The following ITPKB variants were observed in gnomAD, a reference collection of about 807,000 sequenced individuals.
ITPKB encodes the protein inositol-trisphosphate 3-kinase B.
In ITPKB, 13 loss-of-function variants were observed where a neutral mutation model predicts 69.4. That is an observed-to-expected ratio of 0.19 (90% CI 0.12 to 0.30). The LOEUF is 0.30. Ranked by LOEUF, ITPKB falls within the 10% of genes least tolerant of loss-of-function variation. The probability of loss-of-function intolerance (pLI) is 1.00; values close to 1 mark genes in which losing one functional copy is unlikely to be tolerated. For synonymous variants in ITPKB, 584 were observed against 513.7 expected, an observed-to-expected ratio of 1.14 and a Z score of -1.85; for missense variants, 1,240 against 1,250.5, an observed-to-expected ratio of 0.99 and a Z score of 0.13.
chr1:226,736,334 T>A lies in ITPKB; in HGVS notation c.1125A>T (p.Gly375=), dbSNP rs1371746654. 2 of 1,612,380 alleles carry A rather than the reference T, an allele frequency of 1.2e-6. No homozygotes were observed. The highest frequency in any genetic ancestry group is 2.7e-5 in the African/African-American group (2 of 74,878). ...AGCCCGGCATGCCACAGGGCAGATA[T>A]CCTTTCCCCATCTTCCCAGGGGGTT... ...DGEPPGKMGK[G]YLPCGMPGSG... The change falls in exon 2 of 8, where the codon GGA becomes GGT. Residue 375 remains glycine (G), a synonymous_variant. Coordinates refer to ENST00000429204, the MANE Select transcript of ITPKB (RefSeq NM_002221.4).
intron 2 of ITPKB, among the ~76,000 whole-genome samples, chr1:226,688,070 G>C (rs1656256771): frequency 6.6e-6 from 1 of 152,180 alleles, no homozygotes; most frequent in South Asian, 2.1e-4. Context: ...GCCATACCAA[G>C]TCTCAGGCCC....
intron 2 of ITPKB, among the ~76,000 whole-genome samples, chr1:226,669,751 AAAC>A (rs912859135): frequency 6.6e-6 from 1 of 152,224 alleles, no homozygotes; most frequent in African/African-American, 2.4e-5. Flanking sequence ...AAATGGGTAA[AAAC>A]AATCTCAGGT....
At chr1:226,682,269 A>G (rs1656110415) in intron 2 of ITPKB, among the ~76,000 whole-genome samples, 1 of 152,206 alleles carries the variant, frequency 6.6e-6, no homozygotes, top group Admixed American at 6.5e-5. Flanking sequence ...TCTTGGCAAG[A>G]ACCACTGGAC....
intron 2 of ITPKB, among the ~76,000 whole-genome samples, chr1:226,652,431 A>G (rs763620985): frequency 7.9e-5 from 12 of 152,202 alleles, no homozygotes; most frequent in Admixed American, 1.3e-4. Context: ...TCCCCCAGAT[A>G]AGACAGGTAA....
At chr1:226,653,475 C>A (rs915208830) in intron 2 of ITPKB, among the ~76,000 whole-genome samples, 1 of 152,202 alleles carries the variant, frequency 6.6e-6, no homozygotes, top group African/African-American at 2.4e-5. Context: ...GCCCCTGGTG[C>A]CCCTAAAGCT....
At chr1:226,656,040 T>C (rs955050722) in intron 2 of ITPKB, among the ~76,000 whole-genome samples, 1 of 152,202 alleles carries the variant, frequency 6.6e-6, no homozygotes, top group African/African-American at 2.4e-5. Flanking sequence ...GCTTCTGCTA[T>C]TAGGGACTTT....
At chr1:226,699,795 G>C (rs934115157) in intron 2 of ITPKB, among the ~76,000 whole-genome samples, 1 of 152,142 alleles carries the variant, frequency 6.6e-6, no homozygotes, top group East Asian at 1.9e-4. Context: ...TATTAGTCAG[G>C]GTTCTCTAGA....
chr1:226,707,066 G>T, intron 2 of ITPKB: 1 of 475,194 alleles, frequency 2.1e-6, no homozygotes, highest in Non-Finnish European at 2.7e-6. Context: ...TCACCCTCCA[G>T]TACCATATGG....
chr1:226,660,714 C>G (rs569172340), intron 2 of ITPKB, among the ~76,000 whole-genome samples: 75 of 152,304 alleles, frequency 4.9e-4, no homozygotes, highest in Admixed American at 3.3e-3. Flanking sequence ...CTGCTGGGCC[C>G]GGAGGCTAGG....
intron 2 of ITPKB, among the ~76,000 whole-genome samples, chr1:226,685,860 G>A (rs889880196): frequency 2.6e-5 from 4 of 152,218 alleles, no homozygotes; most frequent in African/African-American, 4.8e-5. Flanking sequence ...GAAATGAAGC[G>A]GCTGGCTGCT....
chr1:226,700,266 C>T (rs1197060053), intron 2 of ITPKB, among the ~76,000 whole-genome samples: 5 of 152,040 alleles, frequency 3.3e-5, no homozygotes, highest in African/African-American at 4.8e-5. Flanking sequence ...GTCAGGAGAT[C>T]GAGACCATCC....
intron 2 of ITPKB, among the ~76,000 whole-genome samples, chr1:226,662,449 T>A (rs1056056059): frequency 1.3e-5 from 2 of 152,222 alleles, no homozygotes; most frequent in African/African-American, 4.8e-5. Context: ...TTGAAAAAAC[T>A]TCAGGTTATA....
chr1:226,696,483 C>T (rs1656489836), intron 2 of ITPKB, among the ~76,000 whole-genome samples: 1 of 152,140 alleles, frequency 6.6e-6, no homozygotes, highest in Non-Finnish European at 1.5e-5. Flanking sequence ...TCCGACAAGG[C>T]CAAAACTTAG....
At chr1:226,694,134 G>C (rs1329828891) in intron 2 of ITPKB, among the ~76,000 whole-genome samples, 1 of 152,190 alleles carries the variant, frequency 6.6e-6, no homozygotes, top group Non-Finnish European at 1.5e-5. Context: ...ATATACATGT[G>C]TTCATTAAGA....
At position 226,634,160 on chromosome 1, in the gene ITPKB, GGTTT is replaced by G. The variant is rs1668778373; in HGVS notation, c.*507_*510del. 6.4e-6 allele frequency: 1 copy of G among 157,070 alleles called. No homozygotes were observed. The highest frequency in any genetic ancestry group is 1.4e-5 in the Non-Finnish European group (1 of 70,528). 9.7% of individuals were successfully genotyped at this position (157,070 alleles called of 1,614,324 possible). A position where few individuals can be genotyped will look rare whatever the true frequency, so the allele number is the denominator to read the frequency against. On this transcript the variant is annotated 3_prime_UTR_variant, in exon 8 of 8. Transcript: ENST00000429204. The surrounding 1 kb of genome is among the most constrained non-coding windows in gnomAD (Gnocchi z 6.3). The stretch of plus-strand genomic sequence containing the variant: ...CACAGTCAACATGTGGTTCCCCGAT[GGTTT>G]TGTGCCCCAACTACCAGAAAGCCCT...
At chr1:226,653,244 G>C (rs1301602104) in intron 2 of ITPKB, among the ~76,000 whole-genome samples, 1 of 152,202 alleles carries the variant, frequency 6.6e-6, no homozygotes, top group African/African-American at 2.4e-5. Context: ...CCATGCACAT[G>C]GGGAGCCTCT....
intron 2 of ITPKB, among the ~76,000 whole-genome samples, chr1:226,712,935 C>T (rs1489605487): frequency 3.9e-5 from 6 of 152,084 alleles, no homozygotes; most frequent in Admixed American, 2.0e-4. Flanking sequence ...CAACTTCCAT[C>T]GCACCCCTCC....
intron 2 of ITPKB, among the ~76,000 whole-genome samples, chr1:226,713,410 T>C (rs561126972): frequency 2.5e-4 from 38 of 152,192 alleles, no homozygotes; most frequent in Non-Finnish European, 4.6e-4. Flanking sequence ...TTTTTATTTT[T>C]GTTTCTCTAA....
intron 2 of ITPKB, among the ~76,000 whole-genome samples, chr1:226,698,570 T>C (rs1047482156): frequency 3.9e-5 from 6 of 152,252 alleles, no homozygotes; most frequent in African/African-American, 1.4e-4. Context: ...AATGAGGCGT[T>C]GCTAAGTCAT....
Sources: allele counts gnomAD v4.1 joint callset (sites outside exome capture counted in the v4.1 genomes callset), GRCh38; gene constraint gnomAD v4.1.1; non-coding constraint Gnocchi (gnomAD v3.1); transcripts MANE v1.5; gene names NCBI Gene and HGNC (gene_info 2026-07-23, HGNC 2026-07-21).